The following MARCHF3 variants were observed in gnomAD, a reference collection of about 807,000 sequenced individuals.
The protein encoded by MARCHF3 is membrane associated ring-CH-type finger 3, also known as E3 ubiquitin-protein ligase MARCHF3.
Under a neutral mutation model 24.2 loss-of-function variants are expected in MARCHF3, and 13 were observed. That is an observed-to-expected ratio of 0.54 (90% CI 0.35 to 0.85). MARCHF3 has a LOEUF of 0.85. Among genes scored for constraint, MARCHF3 ranks in the 40% least tolerant of loss-of-function variants. MARCHF3 has a pLI of 0.01. For synonymous variants in MARCHF3, 144 were observed against 137.3 expected (o/e 1.05, Z -0.34); for missense variants, 276 against 325.0 (o/e 0.85, Z 1.16).
intron 1 of MARCHF3, among the ~76,000 whole-genome samples, chr5:126,928,322 T>G (rs1749362425): frequency 6.6e-6 from 1 of 152,212 alleles, no homozygotes; most frequent in South Asian, 2.1e-4. Flanking sequence ...AGCAAGTTAT[T>G]CCAGCTAAGA....
intron 3 of MARCHF3, among the ~76,000 whole-genome samples, chr5:126,908,787 T>C (rs1309806313): frequency 1.3e-5 from 2 of 151,450 alleles, no homozygotes; most frequent in Non-Finnish European, 2.9e-5. Context: ...TAGCTCAGAG[T>C]AATTCCATCG....
chr5:126,882,376 T>C (rs1184853673), intron 3 of MARCHF3, among the ~76,000 whole-genome samples: 1 of 152,222 alleles, frequency 6.6e-6, no homozygotes, highest in Non-Finnish European at 1.5e-5. Context: ...TCTTAGGCTC[T>C]TGTTCTGGTC....
chr5:126,870,716 T>A lies in MARCHF3; in HGVS notation c.679A>T (p.Lys227Ter). The part of the protein sequence containing the change: ...TNQRVILLIP[K>*]SVNVPSNQPS... ...TGGTTAGAAGGTACATTGACAGACT[T>A]TGGAATGAGGAGAATCACCCTCTGA... The change falls in exon 5 of 5, where the codon AAG becomes TAG. Residue 227 changes from lysine to a stop codon, truncating the protein, a stop_gained. Transcript: ENST00000308660. LOFTEE classifies it high-confidence loss of function. 6.2e-7 allele frequency: 1 copy of A among 1,614,100 alleles called. No individual in the cohort carries two copies. The highest frequency in any genetic ancestry group is 8.5e-7 in the Non-Finnish European group (1 of 1,180,014).
chr5:126,967,734 C>CT (rs996560624), intron 1 of MARCHF3, among the ~76,000 whole-genome samples: 2 of 152,050 alleles, frequency 1.3e-5, no homozygotes, highest in African/African-American at 4.8e-5. Flanking sequence ...GCCCCCTCCT[C>CT]TTTTTTTGCA....
At chr5:126,957,817 T>A (rs12655319) in intron 1 of MARCHF3, among the ~76,000 whole-genome samples, 3,100 of 152,256 alleles carry the variant, frequency 0.02, 74 homozygotes, top group South Asian at 0.11. Context: ...AAAATCATCA[T>A]CTAAAATTGT....
intron 3 of MARCHF3, among the ~76,000 whole-genome samples, chr5:126,890,471 T>C (rs1206938018): frequency 7.6e-6 from 1 of 130,942 alleles, no homozygotes; most frequent in African/African-American, 2.9e-5. Flanking sequence ...CAGACTGTGA[T>C]ATTCCCCTTC....
chr5:126,919,660 A>T (rs1561427515), intron 1 of MARCHF3, among the ~76,000 whole-genome samples: 1 of 152,214 alleles, frequency 6.6e-6, no homozygotes, highest in Non-Finnish European at 1.5e-5. Context: ...GTGTTTCCTG[A>T]TGAAACTGAC....
chr5:126,928,454 T>A (rs1038943221), intron 1 of MARCHF3, among the ~76,000 whole-genome samples: 1 of 152,250 alleles, frequency 6.6e-6, no homozygotes, highest in Admixed American at 6.5e-5. Context: ...TAGGTTTTTT[T>A]AAATTTAAGT....
chr5:126,918,406 CCCA>C (rs1480672847), intron 1 of MARCHF3, among the ~76,000 whole-genome samples, 179 bp from the exon 2 acceptor site: 27 of 150,140 alleles, frequency 1.8e-4, no homozygotes, highest in African/African-American at 6.7e-4. Flanking sequence ...ACACACAGAG[CCCA>C]CAAGAAACAG....
At chr5:126,973,998 C>T (rs1418749695) in intron 1 of MARCHF3, among the ~76,000 whole-genome samples, 4 of 146,610 alleles carry the variant, frequency 2.7e-5, no homozygotes, top group Non-Finnish European at 6.0e-5. Context: ...CCCGGGTTCA[C>T]GCCATTCTCC....
chr5:127,024,066 G>A (rs1752915058), intron 1 of MARCHF3, among the ~76,000 whole-genome samples: 1 of 152,182 alleles, frequency 6.6e-6, no homozygotes, highest in Admixed American at 6.5e-5. Context: ...AGAAATCAGG[G>A]GAGATGACCT....
At chr5:126,937,287 T>C (rs1351560006) in intron 1 of MARCHF3, among the ~76,000 whole-genome samples, 1 of 152,240 alleles carries the variant, frequency 6.6e-6, no homozygotes, top group African/African-American at 2.4e-5. Flanking sequence ...ATACTCTTTT[T>C]TCCTCATACA....
chr5:127,022,894 G>A (rs923629219), intron 1 of MARCHF3, among the ~76,000 whole-genome samples: 4 of 152,214 alleles, frequency 2.6e-5, no homozygotes, highest in Non-Finnish European at 4.4e-5. Flanking sequence ...TCTCCCAGAT[G>A]AGACAGAAAA....
intron 1 of MARCHF3, among the ~76,000 whole-genome samples, chr5:126,936,772 C>G (rs573784984): frequency 4.4e-4 from 67 of 152,242 alleles, no homozygotes; most frequent in African/African-American, 1.5e-3. Flanking sequence ...AGCAAGCAAC[C>G]AAAACTCAAA....
In MARCHF3 at chr5:126,897,045, A is replaced by ATTTT. The variant is rs759577287; in HGVS notation, c.393+17881_393+17884dup. Among the ~76,000 whole-genome samples the ATTTT allele has an allele frequency of 3.4e-5, 4 of 116,448 alleles. 1 individual carries two copies. Among genetic ancestry groups the ATTTT allele is most frequent in the East Asian group, 3.0e-4 (1 of 3,338 alleles). The allele number at this position is 116,448 out of a possible 152,430, so 76.4% of individuals were successfully genotyped here. Reference sequence around the variant, plus strand: ...CAATCCAACTTTCTGAAGTTTGAGAATTTTTTTTTTTGAGATGGAGTTTCA... The same window carrying ATTTT: ...CAATCCAACTTTCTGAAGTTTGAGAATTTTTTTTTTTTTTTGAGATGGAGTTTCA... On this transcript the variant is annotated intron_variant, in intron 3 of 4. Transcript: ENST00000308660.
intron 1 of MARCHF3, among the ~76,000 whole-genome samples, chr5:127,024,728 G>A (rs1316318493): frequency 1.3e-5 from 2 of 152,108 alleles, no homozygotes; most frequent in Non-Finnish European, 2.9e-5. Flanking sequence ...GTGTTCAAGG[G>A]TATAATCTGA....
At chr5:126,954,053 T>G (rs943485527) in intron 1 of MARCHF3, among the ~76,000 whole-genome samples, 1 of 152,090 alleles carries the variant, frequency 6.6e-6, no homozygotes, top group African/African-American at 2.4e-5. Flanking sequence ...TTATTTCTAT[T>G]TTTATTTTTT....
chr5:126,879,770 CAG>C (rs1046793628), intron 3 of MARCHF3, among the ~76,000 whole-genome samples: 1 of 152,186 alleles, frequency 6.6e-6, no homozygotes, highest in Non-Finnish European at 1.5e-5. Context: ...ATGTAGTAAA[CAG>C]AGGCCAAGGA....
At chr5:126,947,234 A>G (rs1750056131) in intron 1 of MARCHF3, among the ~76,000 whole-genome samples, 1 of 152,216 alleles carries the variant, frequency 6.6e-6, no homozygotes, top group Non-Finnish European at 1.5e-5. Context: ...TGACAAAGGA[A>G]TTAATCTTCA....
Sources: allele counts gnomAD v4.1 joint callset (sites outside exome capture counted in the v4.1 genomes callset), GRCh38; gene constraint gnomAD v4.1.1; transcripts MANE v1.5; gene names NCBI Gene and HGNC (gene_info 2026-07-23, HGNC 2026-07-21).